The following EPHA7 variants were observed in gnomAD, a reference collection of about 807,000 sequenced individuals.
EPHA7 encodes EPH receptor A7.
EPHA7 carries 25 observed loss-of-function variants against 112.6 expected under a neutral mutation model. The ratio of observed to expected loss-of-function variants is 0.22; its 90% CI spans 0.16 to 0.31. The LOEUF (loss-of-function observed/expected upper bound fraction) is 0.31. Ranked by LOEUF, EPHA7 falls within the 10% of genes least tolerant of loss-of-function variation. The probability of loss-of-function intolerance (pLI) is 1.00; values close to 1 mark genes in which losing one functional copy is unlikely to be tolerated. For missense variants in EPHA7, 962 were observed against 1,212.6 expected, an observed-to-expected ratio of 0.79 and a Z score of 3.07; for synonymous variants, 437 against 406.5, an observed-to-expected ratio of 1.07 and a Z score of -0.90.
intron 5 of EPHA7, among the ~76,000 whole-genome samples, chr6:93,295,023 G>A (rs1772585903): frequency 6.6e-6 from 1 of 151,666 alleles, no homozygotes. Flanking sequence ...GAGGGGGGAA[G>A]GGAGGAAGAT....
At chr6:93,264,181 C>G (rs1770822158) in intron 8 of EPHA7, among the ~76,000 whole-genome samples, 1 of 151,402 alleles carries the variant, frequency 6.6e-6, no homozygotes, top group Non-Finnish European at 1.5e-5. Context: ...CCACAAGGTT[C>G]AATTTACAAA....
In EPHA7 at chr6:93,269,591, G is replaced by A. The variant is rs1771110518; in HGVS notation, c.1519C>T (p.Pro507Ser). ...ATCTGGAAAACATACACTGTTCCTG[G>A]TTTCAGATTATTAATGGAGGCTGAA... ...STSASINNLK[P>S]GTVYVFQIRA... Residue 507 changes from proline to serine, a missense_variant, in exon 7 of 17, where the codon CCA becomes TCA. Around this residue, in one of 3 missense-constraint regions of EPHA7, gnomAD observed 746 missense variants for 889.2 expected, o/e 0.84. Coordinates refer to ENST00000369303, the MANE Select transcript of EPHA7 (RefSeq NM_004440.4). The A allele has an allele frequency of 1.2e-6, 2 of 1,603,192 alleles. No individual in the cohort carries two copies. The highest frequency in any genetic ancestry group is 4.5e-5 in the East Asian group (2 of 43,998).
Position 93,269,565 on chromosome 6 carries a change from A to G in EPHA7, c.1545T>C (p.Ile515=). Residue 515 remains isoleucine (I), a synonymous_variant, in exon 7 of 17, where the codon ATT becomes ATC. Coordinates refer to ENST00000369303, the MANE Select transcript of EPHA7 (RefSeq NM_004440.4). The part of the protein sequence containing the change: ...LKPGTVYVFQ[I]RAFTAAGYGN... ...CATAACCAGCAGCAGTAAAAGCCCG[A>G]ATCTGGAAAACATACACTGTTCCTG... 6.2e-7 allele frequency: 1 copy of G among 1,610,756 alleles called. No individual in the cohort carries two copies. Among genetic ancestry groups the G allele is most frequent in the Non-Finnish European group, 8.5e-7 (1 of 1,178,148 alleles).
intron 5 of EPHA7, among the ~76,000 whole-genome samples, chr6:93,321,693 C>G (rs1387927532): frequency 6.6e-6 from 1 of 151,888 alleles, no homozygotes; most frequent in Non-Finnish European, 1.5e-5. Flanking sequence ...AGTGATTACT[C>G]CTTATAAAGG....
intron 5 of EPHA7, among the ~76,000 whole-genome samples, chr6:93,309,939 T>C (rs980720445): frequency 1.3e-5 from 2 of 152,166 alleles, no homozygotes; most frequent in African/African-American, 4.8e-5. Flanking sequence ...ATCAGAAGCA[T>C]GGAGAATTAA....
chr6:93,288,813 C>T (rs1041812131), intron 5 of EPHA7, among the ~76,000 whole-genome samples: 2 of 152,092 alleles, frequency 1.3e-5, no homozygotes, highest in Admixed American at 6.5e-5. Flanking sequence ...GAGTAAAATC[C>T]ATCTCTTATG....
At chr6:93,411,438 CAT>C (rs1156314191) in intron 2 of EPHA7, among the ~76,000 whole-genome samples, 1 of 151,970 alleles carries the variant, frequency 6.6e-6, no homozygotes, top group Non-Finnish European at 1.5e-5. Context: ...TTCTTTTTTA[CAT>C]GTTTGCTTAT....
At chr6:93,260,325 C>T (rs1319013727) in intron 9 of EPHA7, 2 of 182,022 alleles carry the variant, frequency 1.1e-5, no homozygotes, top group Non-Finnish European at 2.1e-5. Context: ...TCTTAAAATG[C>T]ACCCAGAAGC....
chr6:93,377,618 T>C (rs1777128192), intron 3 of EPHA7, among the ~76,000 whole-genome samples: 1 of 152,088 alleles, frequency 6.6e-6, no homozygotes, highest in Non-Finnish European at 1.5e-5. Context: ...TCCCTTATCT[T>C]ATATCAGTGT....
intron 5 of EPHA7, among the ~76,000 whole-genome samples, chr6:93,318,158 G>A (rs1773898812): frequency 1.3e-5 from 2 of 152,114 alleles, no homozygotes; most frequent in Admixed American, 1.3e-4. Context: ...GAATAAAATA[G>A]TGTATATGAA....
intron 3 of EPHA7, among the ~76,000 whole-genome samples, chr6:93,395,953 G>A (rs1412487015): frequency 1.3e-5 from 2 of 151,798 alleles, no homozygotes; most frequent in Non-Finnish European, 2.9e-5. Context: ...CGTTTTCATC[G>A]ATTGGATTCT....
chr6:93,278,532 A>G (rs1396952326), intron 5 of EPHA7, among the ~76,000 whole-genome samples: 1 of 152,094 alleles, frequency 6.6e-6, no homozygotes, highest in Non-Finnish European at 1.5e-5. Flanking sequence ...TCAATCAACA[A>G]GTAATACTAT....
At chr6:93,248,907 A>G (rs186510748) in intron 14 of EPHA7, among the ~76,000 whole-genome samples, 52 of 152,278 alleles carry the variant, frequency 3.4e-4, no homozygotes, top group African/African-American at 1.2e-3. Flanking sequence ...TAGAAAAAGT[A>G]TTTTTCCATA....
intron 3 of EPHA7, among the ~76,000 whole-genome samples, chr6:93,392,595 C>G (rs2127982229): frequency 6.6e-6 from 1 of 152,038 alleles, no homozygotes; most frequent in Admixed American, 6.6e-5. Flanking sequence ...AAAGTGCATA[C>G]TATCCATTTA....
intron 14 of EPHA7, 142 bp from the exon 15 acceptor site, chr6:93,247,127 C>T: frequency 1.4e-6 from 1 of 712,276 alleles, no homozygotes; most frequent in Middle Eastern, 3.8e-4. Context: ...CCCAAAATTT[C>T]CATGAATATT....
intron 5 of EPHA7, among the ~76,000 whole-genome samples, chr6:93,323,647 T>C (rs1258720626): frequency 6.6e-6 from 1 of 151,476 alleles, no homozygotes; most frequent in Non-Finnish European, 1.5e-5. Flanking sequence ...AAAAATTCCA[T>C]CTGGATTAAA....
intron 3 of EPHA7, among the ~76,000 whole-genome samples, chr6:93,395,683 G>C (rs919074109): frequency 6.6e-6 from 1 of 150,812 alleles, no homozygotes; most frequent in Non-Finnish European, 1.5e-5. Context: ...GGCTTCATTT[G>C]CTATGCATAA....
chr6:93,369,203 CA>C, intron 3 of EPHA7, among the ~76,000 whole-genome samples: 1 of 151,824 alleles, frequency 6.6e-6, no homozygotes, highest in South Asian at 2.1e-4. Context: ...CACACACACA[CA>C]CACACACACA....
At chr6:93,386,852 C>T (rs1777632244) in intron 3 of EPHA7, among the ~76,000 whole-genome samples, 1 of 149,814 alleles carries the variant, frequency 6.7e-6, no homozygotes, top group Non-Finnish European at 1.5e-5. Context: ...TGTACCTTGG[C>T]CCCTTTTAGC....
Sources: allele counts gnomAD v4.1 joint callset (sites outside exome capture counted in the v4.1 genomes callset), GRCh38; gene constraint gnomAD v4.1.1; regional missense constraint gnomAD v4.1.1; transcripts MANE v1.5; gene names NCBI Gene and HGNC (gene_info 2026-07-23, HGNC 2026-07-21).